TMPRSS15: variants seen among roughly 807,000 people sequenced by gnomAD.
The protein encoded by TMPRSS15 is transmembrane serine protease 15, also known as enteropeptidase.
Under a neutral mutation model 125.3 loss-of-function variants are expected in TMPRSS15, and 128 were observed. That is an observed-to-expected ratio of 1.02 (90% CI 0.89 to 1.18). TMPRSS15 has a LOEUF of 1.18. TMPRSS15 is among the 50% of genes most tolerant of loss of function. The probability of loss-of-function intolerance (pLI) is 0.00; values close to 1 mark genes in which losing one functional copy is unlikely to be tolerated. For missense variants in TMPRSS15, 1,283 were observed against 1,212.7 expected, an observed-to-expected ratio of 1.06 and a Z score of -0.86; for synonymous variants, 446 against 423.2, an observed-to-expected ratio of 1.05 and a Z score of -0.66.
At position 18,352,991 on chromosome 21, in the gene TMPRSS15, A is replaced by T. The variant is rs546960004; in HGVS notation, c.1083T>A (p.Asn361Lys). 6.2e-7 allele frequency: 1 copy of T among 1,612,046 alleles called. No homozygotes were observed. Among genetic ancestry groups the T allele is most frequent in the Admixed American group, 1.7e-5 (1 of 59,908 alleles). ...DGFCFWVQDL[N>K]DDNEWERIQG... Reference sequence around the variant, plus strand: ...GAATCCTTTCCCATTCATTATCATCATTTAGATCCTGGACCCAGAAACAAA... The same window carrying T: ...GAATCCTTTCCCATTCATTATCATCTTTTAGATCCTGGACCCAGAAACAAA... The change falls in exon 10 of 25, where the codon AAT becomes AAA. Residue 361 changes from asparagine (N) to lysine (K), a missense_variant. Transcript: ENST00000284885.
chr21:18,354,796 T>G (rs1046754131), intron 8 of TMPRSS15, among the ~76,000 whole-genome samples: 3 of 151,758 alleles, frequency 2.0e-5, no homozygotes, highest in Non-Finnish European at 3.0e-5. Context: ...CATTTTAGTT[T>G]GACAATCTGA....
At chr21:18,391,482 C>T (rs1411844995) in intron 3 of TMPRSS15, among the ~76,000 whole-genome samples, 1 of 152,248 alleles carries the variant, frequency 6.6e-6, no homozygotes, top group South Asian at 2.1e-4. Context: ...AAAATAATCT[C>T]CTTTGACTCC....
At chr21:18,387,778 A>G (rs2824795) in intron 3 of TMPRSS15, among the ~76,000 whole-genome samples, 91,937 of 151,890 alleles carry the variant, frequency 0.61, 28,075 homozygotes, top group East Asian at 0.9. Context: ...TCATATACAC[A>G]TACATGGTGT....
intron 21 of TMPRSS15, among the ~76,000 whole-genome samples, chr21:18,284,083 CCT>C (rs1449938373): frequency 6.6e-5 from 10 of 152,180 alleles, no homozygotes; most frequent in African/African-American, 2.2e-4. Flanking sequence ...TAGAAAATAG[CCT>C]CTCTTTCATG....
intron 1 of TMPRSS15, among the ~76,000 whole-genome samples, chr21:18,463,139 G>A (rs2122953647): frequency 2.0e-5 from 3 of 149,070 alleles, no homozygotes; most frequent in Non-Finnish European, 4.4e-5. Context: ...TGGACAAAGA[G>A]TCAAGACCCA....
chr21:18,338,684 G>C (rs776440310), intron 13 of TMPRSS15, among the ~76,000 whole-genome samples: 1 of 151,564 alleles, frequency 6.6e-6, no homozygotes, highest in East Asian at 1.9e-4. Context: ...CAAAATAAGA[G>C]TATATCCAAA....
chr21:18,383,724 A>G lies in TMPRSS15; in HGVS notation c.399T>C (p.Asp133=), dbSNP rs200320922. The change falls in exon 4 of 25, where the codon GAT becomes GAC. Residue 133 remains aspartate, a synonymous_variant. Coordinates refer to ENST00000284885, the MANE Select transcript of TMPRSS15 (RefSeq NM_002772.3). ...GAATCAGTTCTTCTTTTACATTTTC[A>G]TCTGACACCCACTGGGCAAAGAAAA... ...FDLFFAQWVS[D]ENVKEELIQG... 1 of 1,613,862 alleles carries G rather than the reference A, an allele frequency of 6.2e-7. No individual in the cohort carries two copies. Among genetic ancestry groups the G allele is most frequent in the East Asian group, 2.2e-5 (1 of 44,856 alleles).
At chr21:18,405,735 G>A (rs1457112088), upstream of TMPRSS15, among the ~76,000 whole-genome samples, 3 of 152,118 alleles carry the variant, frequency 2.0e-5, no homozygotes, top group African/African-American at 4.8e-5. Context: ...ACACCGTGAA[G>A]AGACATAAAT....
chr21:18,373,241 CT>C (rs2075810537), intron 5 of TMPRSS15, among the ~76,000 whole-genome samples: 1 of 152,082 alleles, frequency 6.6e-6, no homozygotes, highest in African/African-American at 2.4e-5. Flanking sequence ...GTCAATGAAT[CT>C]ACTAAGTTAC....
intron 9 of TMPRSS15, 45 bp downstream of exon 9, chr21:18,353,678 T>G: frequency 6.4e-7 from 1 of 1,565,066 alleles, no homozygotes; most frequent in East Asian, 2.3e-5. Context: ...ATCATAACAT[T>G]AAAGCATCTA....
At chr21:18,368,208 C>T (rs939272898) in intron 6 of TMPRSS15, among the ~76,000 whole-genome samples, 1 of 152,168 alleles carries the variant, frequency 6.6e-6, no homozygotes, top group Non-Finnish European at 1.5e-5. Flanking sequence ...GTTCACTACG[C>T]ATTTTTTTGG....
At chr21:18,363,094 A>G (rs2075692514) in intron 7 of TMPRSS15, among the ~76,000 whole-genome samples, 1 of 152,136 alleles carries the variant, frequency 6.6e-6, no homozygotes, top group Non-Finnish European at 1.5e-5. Context: ...TAGAAAAATT[A>G]TTGTCTTTAG....
chr21:18,422,777 T>A (rs995375165), intron 1 of TMPRSS15, among the ~76,000 whole-genome samples: 4 of 152,236 alleles, frequency 2.6e-5, no homozygotes, highest in Admixed American at 1.3e-4. Context: ...TCAATTTAGC[T>A]GAATTCTGAT....
chr21:18,459,481 C>G (rs1367186689), intron 1 of TMPRSS15, among the ~76,000 whole-genome samples: 1 of 152,000 alleles, frequency 6.6e-6, no homozygotes, highest in Admixed American at 6.6e-5. Flanking sequence ...ACCATGTTGG[C>G]CAGGCTAGTC....
chr21:18,464,939 CT>C (rs1440504630), intron 1 of TMPRSS15, among the ~76,000 whole-genome samples: 1 of 152,126 alleles, frequency 6.6e-6, no homozygotes, highest in Non-Finnish European at 1.5e-5. Context: ...TTACCAAAAC[CT>C]GGCAGAGACA....
intron 18 of TMPRSS15, among the ~76,000 whole-genome samples, chr21:18,299,561 C>A (rs1370582122): frequency 2.0e-5 from 3 of 152,178 alleles, no homozygotes; most frequent in Non-Finnish European, 4.4e-5. Flanking sequence ...ATCACTGCTG[C>A]CAGAGTAAAG....
intron 1 of TMPRSS15, among the ~76,000 whole-genome samples, chr21:18,442,354 A>T (rs1433311115): frequency 6.6e-6 from 1 of 152,220 alleles, no homozygotes; most frequent in Non-Finnish European, 1.5e-5. Flanking sequence ...GTAATAAAAC[A>T]TTCTGGCACC....
chr21:18,417,266 T>C (rs1320958187), intron 1 of TMPRSS15, among the ~76,000 whole-genome samples: 3 of 152,076 alleles, frequency 2.0e-5, no homozygotes, highest in Admixed American at 1.3e-4. Context: ...AAGTCTCTAC[T>C]CTGTGAGGGT....
At chr21:18,380,060 T>G (rs984140770) in intron 4 of TMPRSS15, among the ~76,000 whole-genome samples, 2 of 151,846 alleles carry the variant, frequency 1.3e-5, no homozygotes, top group African/African-American at 4.8e-5. Flanking sequence ...CTTTCCAAAG[T>G]GAAATATATT....
Sources: allele counts gnomAD v4.1 joint callset (sites outside exome capture counted in the v4.1 genomes callset), GRCh38; gene constraint gnomAD v4.1.1; transcripts MANE v1.5; gene names NCBI Gene and HGNC (gene_info 2026-07-23, HGNC 2026-07-21).